The following CHSY3 variants were observed in gnomAD, a reference collection of about 807,000 sequenced individuals.
CHSY3 encodes the protein N-acetylgalactosaminyl-proteoglycan 3-beta-glucuronosyltransferase 3.
A neutral mutation model predicts 67.2 loss-of-function variants in CHSY3; 35 were observed. That is an observed-to-expected ratio of 0.52 (90% CI 0.40 to 0.69). CHSY3 has a LOEUF of 0.69. CHSY3 is among the 30% of genes least tolerant of loss of function. The pLI, the probability that CHSY3 is intolerant of heterozygous loss-of-function variation, is 0.00. For missense variants in CHSY3, 1,069 were observed against 1,138.5 expected, an observed-to-expected ratio of 0.94 and a Z score of 0.88; for synonymous variants, 474 against 434.7, an observed-to-expected ratio of 1.09 and a Z score of -1.12.
chr5:130,039,788 C>T (rs1764959293), intron 2 of CHSY3, among the ~76,000 whole-genome samples: 1 of 151,992 alleles, frequency 6.6e-6, no homozygotes, highest in Non-Finnish European at 1.5e-5. Context: ...AACATTTTTT[C>T]CCCTAAATAG....
intron 2 of CHSY3, among the ~76,000 whole-genome samples, chr5:130,152,138 T>C (rs1447598533): frequency 6.6e-6 from 1 of 152,210 alleles, no homozygotes; most frequent in African/African-American, 2.4e-5. Flanking sequence ...ATCTGCATTT[T>C]TGACAAGCAC....
At chr5:130,011,645 A>G (rs1010497215) in intron 2 of CHSY3, among the ~76,000 whole-genome samples, 9 of 152,222 alleles carry the variant, frequency 5.9e-5, no homozygotes, top group Admixed American at 5.9e-4. Context: ...AAAGAAAGAA[A>G]TAAAAGGCAT....
At position 129,905,434 on chromosome 5, in the gene CHSY3, G is replaced by T; in HGVS notation, c.605G>T (p.Arg202Leu). The change falls in exon 1 of 3, where the codon CGC becomes CTC. Residue 202 changes from arginine (R) to leucine (L), a missense_variant. By Grantham distance (102) the Arg-to-Leu change is moderately radical. Around this residue, in one of 5 missense-constraint regions of CHSY3, gnomAD observed 216 missense variants for 311.5 expected, o/e 0.69. Transcript: ENST00000305031. ...QRTWARFIPG[R>L]VEFFSSQQPP... The stretch of plus-strand genomic sequence containing the variant: ...ACCTGGGCGCGTTTCATCCCGGGCC[G>T]CGTGGAGTTCTTTTCCAGCCAGCAG... 4 of 1,611,468 alleles carry T rather than the reference G, an allele frequency of 2.5e-6. No individual in the cohort carries two copies. The highest frequency in any genetic ancestry group is 3.4e-6 in the Non-Finnish European group (4 of 1,179,758).
chr5:129,958,150 T>A (rs1028850206), intron 2 of CHSY3, among the ~76,000 whole-genome samples: 2 of 152,190 alleles, frequency 1.3e-5, no homozygotes, highest in Non-Finnish European at 2.9e-5. Flanking sequence ...ATACTCTTCT[T>A]GAATATTAGA....
At chr5:130,169,192 C>A (rs1018379198) in intron 2 of CHSY3, among the ~76,000 whole-genome samples, 6 of 152,058 alleles carry the variant, frequency 3.9e-5, no homozygotes, top group Non-Finnish European at 7.4e-5. Flanking sequence ...GAACTATGTT[C>A]TCCTCTGTAC....
At chr5:130,141,035 C>A in intron 2 of CHSY3, 1 of 309,918 alleles carries the variant, frequency 3.2e-6, no homozygotes, top group Non-Finnish European at 5.2e-6. Flanking sequence ...TGTCCTGGTT[C>A]ATGGTTCTAT....
chr5:130,147,760 G>A (rs991476537), intron 2 of CHSY3, among the ~76,000 whole-genome samples: 10 of 152,122 alleles, frequency 6.6e-5, no homozygotes, highest in Non-Finnish European at 1.3e-4. Context: ...GAATGAGAGC[G>A]AGTAGGGGAA....
chr5:130,099,372 C>T (rs1303750717), intron 2 of CHSY3, among the ~76,000 whole-genome samples: 1 of 152,136 alleles, frequency 6.6e-6, no homozygotes, highest in Non-Finnish European at 1.5e-5. Flanking sequence ...TAGATGTGTT[C>T]GTTGTTAGTA....
intron 2 of CHSY3, among the ~76,000 whole-genome samples, chr5:130,026,413 T>C (rs758766319): frequency 6.6e-6 from 1 of 152,146 alleles, no homozygotes; most frequent in African/African-American, 2.4e-5. Context: ...CAAAATAAAT[T>C]GACTGCTTGT....
At chr5:130,103,965 C>G (rs952157155) in intron 2 of CHSY3, among the ~76,000 whole-genome samples, 1 of 151,896 alleles carries the variant, frequency 6.6e-6, no homozygotes, top group African/African-American at 2.4e-5. Flanking sequence ...AAAAACAGTC[C>G]CTTGTTCTAG....
intron 2 of CHSY3, among the ~76,000 whole-genome samples, chr5:129,932,570 T>A (rs1026115861): frequency 1.3e-5 from 2 of 152,142 alleles, no homozygotes; most frequent in African/African-American, 4.8e-5. Context: ...TTAATAATAA[T>A]CAATGGTTTA....
intron 2 of CHSY3, among the ~76,000 whole-genome samples, chr5:129,948,203 A>G (rs79532394): frequency 0.022 from 3,273 of 152,218 alleles, 108 homozygotes; most frequent in African/African-American, 0.072. Flanking sequence ...TTATTTCCAT[A>G]GGTTTTTGGG....
chr5:130,092,282 A>C (rs1766907055), intron 2 of CHSY3, among the ~76,000 whole-genome samples: 1 of 152,174 alleles, frequency 6.6e-6, no homozygotes, highest in Non-Finnish European at 1.5e-5. Context: ...ACTGTGGAAA[A>C]GGGTTTAGTT....
chr5:129,990,029 A>G (rs1375124564), intron 2 of CHSY3, among the ~76,000 whole-genome samples: 2 of 152,130 alleles, frequency 1.3e-5, no homozygotes, highest in South Asian at 2.1e-4. Flanking sequence ...GATCTAAAAT[A>G]TTGCTTAATA....
chr5:129,908,077 G>A lies in CHSY3; in HGVS notation c.803G>A (p.Gly268Asp), dbSNP rs1760384110. ...GTAATTGTTGCCTTTCTTTTTGTAG[G>A]TGATAAATTAGAAGAGTTTCTTAGA... ...MRADDDVYIK[G>D]DKLEEFLRSL... is the part of the protein sequence containing the mutation. Residue 268 changes from glycine (G) to aspartate (D), a missense_variant and splice_region_variant, in exon 2 of 3, where the codon GGT becomes GAT. Physicochemically the swap from Gly to Asp is moderately conservative, Grantham distance 94. This residue lies in a region of CHSY3 where 216 missense variants were observed against 311.5 expected (regional missense o/e 0.69). Coordinates refer to ENST00000305031, the MANE Select transcript of CHSY3 (RefSeq NM_175856.5). 5 of 1,608,068 alleles carry A rather than the reference G, an allele frequency of 3.1e-6. No homozygotes were observed. The highest frequency in any genetic ancestry group is 3.4e-6 in the Non-Finnish European group (4 of 1,177,296).
chr5:130,071,702 A>G (rs1241761169), intron 2 of CHSY3, among the ~76,000 whole-genome samples: 2 of 152,012 alleles, frequency 1.3e-5, no homozygotes, highest in African/African-American at 4.8e-5. Flanking sequence ...TCTGACATAA[A>G]AATTTCAATT....
chr5:130,168,357 T>C (rs1181584969), intron 2 of CHSY3, among the ~76,000 whole-genome samples: 1 of 152,138 alleles, frequency 6.6e-6, no homozygotes, highest in African/African-American at 2.4e-5. Context: ...GCAGGAATGA[T>C]GATGGCAGTC....
At chr5:130,128,712 T>C (rs1232780142) in intron 2 of CHSY3, among the ~76,000 whole-genome samples, 1 of 151,926 alleles carries the variant, frequency 6.6e-6, no homozygotes, top group Non-Finnish European at 1.5e-5. Flanking sequence ...TTTGGGGAGG[T>C]CATACATATG....
intron 2 of CHSY3, among the ~76,000 whole-genome samples, chr5:130,131,980 T>G (rs1199797250): frequency 6.6e-6 from 1 of 152,150 alleles, no homozygotes; most frequent in Non-Finnish European, 1.5e-5. Flanking sequence ...CTACTCTCAG[T>G]GCCTCCCTCC....
Sources: allele counts gnomAD v4.1 joint callset (sites outside exome capture counted in the v4.1 genomes callset), GRCh38; gene constraint gnomAD v4.1.1; regional missense constraint gnomAD v4.1.1; transcripts MANE v1.5; gene names NCBI Gene and HGNC (gene_info 2026-07-23, HGNC 2026-07-21).